Variants in IQGAP2 observed in about 807,000 individuals in gnomAD.
The protein encoded by IQGAP2 is ras GTPase-activating-like protein IQGAP2.
A neutral mutation model predicts 201.3 loss-of-function variants in IQGAP2; 173 were observed. The ratio of observed to expected loss-of-function variants is 0.86; its 90% CI spans 0.76 to 0.98. The LOEUF (loss-of-function observed/expected upper bound fraction) is 0.98, where lower values mean the gene tolerates loss of function less well. Ranked by LOEUF, IQGAP2 falls within the 50% of genes least tolerant of loss-of-function variation. The pLI, the probability that IQGAP2 is intolerant of heterozygous loss-of-function variation, is 0.00. For synonymous variants in IQGAP2, 675 were observed against 673.9 expected, an observed-to-expected ratio of 1.00 and a Z score of -0.03; for missense variants, 1,687 against 1,864.8, an observed-to-expected ratio of 0.90 and a Z score of 1.76.
At chr5:76,623,966 G>A (rs1176509921) in intron 13 of IQGAP2, among the ~76,000 whole-genome samples, 1 of 64,264 alleles carries the variant, frequency 1.6e-5, no homozygotes, top group Admixed American at 1.7e-4. Context: ...TTATCTTGAT[G>A]TGTTTTGAGC....
chr5:76,491,738 C>T lies in IQGAP2; in HGVS notation c.146+30069C>T, dbSNP rs115244903. On this transcript the variant is annotated intron_variant, in intron 2 of 35. Transcript: ENST00000274364. ...GTTCAGTCCTCTTTTTCTCTTCTCT[C>T]ACATACCTACCACCCTCCAGGCAAA... is the stretch of plus-strand genomic sequence containing the variant. Among the ~76,000 whole-genome samples, 1,324 of 152,310 alleles carry T rather than the reference C, an allele frequency of 8.7e-3. 20 individuals carry two copies. The highest frequency in any genetic ancestry group is 0.03 in the African/African-American group (1,265 of 41,574).
intron 21 of IQGAP2, among the ~76,000 whole-genome samples, chr5:76,659,139 T>C (rs1386472437): frequency 1.3e-5 from 2 of 152,238 alleles, no homozygotes; most frequent in Admixed American, 1.3e-4. Flanking sequence ...GTTTTTATTA[T>C]AAATTAGTGG....
chr5:76,626,067 A>G (rs1248295515), intron 13 of IQGAP2, among the ~76,000 whole-genome samples: 1 of 152,174 alleles, frequency 6.6e-6, no homozygotes, highest in African/African-American at 2.4e-5. Context: ...TTTACCTATA[A>G]TAGGAATAAT....
chr5:76,491,385 G>T (rs1756526172), intron 2 of IQGAP2, among the ~76,000 whole-genome samples: 1 of 152,158 alleles, frequency 6.6e-6, no homozygotes, highest in South Asian at 2.1e-4. Context: ...TCTGTGAGTT[G>T]TGCTAAATAG....
chr5:76,563,937 C>T (rs59994162), intron 3 of IQGAP2, among the ~76,000 whole-genome samples: 1,529 of 151,548 alleles, frequency 0.01, 26 homozygotes, highest in African/African-American at 0.035. Context: ...GAATAATCTT[C>T]AAGGTTAACA....
intron 1 of IQGAP2, among the ~76,000 whole-genome samples, chr5:76,453,465 A>G (rs1444589188): frequency 6.6e-6 from 1 of 151,892 alleles, no homozygotes; most frequent in Non-Finnish European, 1.5e-5. Flanking sequence ...CTATTTTTTC[A>G]TTTTTCCTAA....
chr5:76,550,835 T>C lies in IQGAP2; in HGVS notation c.147-11561T>C, dbSNP rs545613664. Among the ~76,000 whole-genome samples the C allele has an allele frequency of 5.2e-5, 8 of 152,388 alleles. No individual in the cohort carries two copies. The South Asian group carries it at 8.3e-4, about 16-fold the overall frequency. On this transcript the variant is annotated intron_variant, in intron 2 of 35. Transcript: ENST00000274364. ...TTTCTATTTGACAAAACCGCCATCG[T>C]CATCATGGCCCGTTCTCAATGAGCT...
At chr5:76,635,976 C>T (rs1176019565) in intron 15 of IQGAP2, among the ~76,000 whole-genome samples, 1 of 152,206 alleles carries the variant, frequency 6.6e-6, no homozygotes, top group Non-Finnish European at 1.5e-5. Context: ...ACAGATGAAC[C>T]AGCTGTCTGG....
chr5:76,663,154 T>TG (rs1743415699), intron 21 of IQGAP2, among the ~76,000 whole-genome samples: 2 of 152,130 alleles, frequency 1.3e-5, no homozygotes, highest in South Asian at 4.1e-4. Context: ...CAACTGGAAA[T>TG]GGGGGCGGGC....
chr5:76,548,747 CTA>C (rs1743252177), intron 2 of IQGAP2, among the ~76,000 whole-genome samples: 1 of 152,204 alleles, frequency 6.6e-6, no homozygotes, highest in Admixed American at 6.5e-5. Context: ...AGTCCATGTG[CTA>C]AGTAAATGTG....
chr5:76,601,084 C>G (rs1747399596), intron 11 of IQGAP2, 112 bp downstream of exon 11: 1 of 983,820 alleles, frequency 1.0e-6, no homozygotes, highest in Admixed American at 2.4e-5. Flanking sequence ...GCTCATGTTT[C>G]TTGAAAACTA....
At chr5:76,677,174 G>A in intron 27 of IQGAP2, 44 bp from the exon 28 acceptor site, 1 of 1,576,588 alleles carries the variant, frequency 6.3e-7, no homozygotes. Flanking sequence ...ACTGTTTAAT[G>A]CACATGTTTG....
At chr5:76,573,237 A>C (rs953379282) in intron 4 of IQGAP2, among the ~76,000 whole-genome samples, 2 of 152,256 alleles carry the variant, frequency 1.3e-5, no homozygotes, top group Non-Finnish European at 2.9e-5. Context: ...GTATGTATTT[A>C]GGGCCAAACA....
chr5:76,600,770 G>A lies in IQGAP2; in HGVS notation c.1072-42G>A, dbSNP rs147563888. 1.1e-3 allele frequency: 1,810 copies of A among 1,607,804 alleles called. 14 individuals are homozygous for A. In the African/African-American group the frequency reaches 0.018, roughly 16 times the overall value. Reference sequence around the variant, plus strand: ...TAAACCTCCATCATGCACATGAGGTGTGTTGTGTGGGGAGCTTATGTTGCC... The same window carrying A: ...TAAACCTCCATCATGCACATGAGGTATGTTGTGTGGGGAGCTTATGTTGCC... On this transcript the variant is annotated intron_variant, in intron 10 of 35. Coordinates refer to ENST00000274364, the MANE Select transcript of IQGAP2 (RefSeq NM_006633.5).
intron 17 of IQGAP2, 65 bp from the exon 18 acceptor site, chr5:76,652,685 T>C (rs1424826319): frequency 1.1e-5 from 13 of 1,141,700 alleles, no homozygotes; most frequent in Admixed American, 3.4e-5. Flanking sequence ...GCTCTGCTCT[T>C]GCACTTCCTA....
Position 76,575,601 on chromosome 5 carries a change from A to G in IQGAP2, c.382-92A>G, listed in dbSNP as rs146869045. Reference sequence around the variant, plus strand: ...CTCTATATTTAAATAATTATAGGATAGCAAGGACAATCAAAATAGGGTCAT... The same window carrying G: ...CTCTATATTTAAATAATTATAGGATGGCAAGGACAATCAAAATAGGGTCAT... On this transcript the variant is annotated intron_variant, in intron 4 of 35. Coordinates refer to ENST00000274364, the MANE Select transcript of IQGAP2 (RefSeq NM_006633.5). The G allele has an allele frequency of 1.8e-4, 118 of 649,050 alleles. No individual in the cohort carries two copies. In the African/African-American group the frequency reaches 1.9e-3, roughly 11 times the overall value. 40.2% of individuals were successfully genotyped at this position (649,050 alleles called of 1,614,324 possible).
At chr5:76,549,021 T>C (rs1743269511) in intron 2 of IQGAP2, among the ~76,000 whole-genome samples, 1 of 151,984 alleles carries the variant, frequency 6.6e-6, no homozygotes, top group African/African-American at 2.4e-5. Flanking sequence ...TCTGTATGGC[T>C]AAACAGTGCT....
At chr5:76,479,553 C>G (rs1218974417) in intron 2 of IQGAP2, among the ~76,000 whole-genome samples, 1 of 152,150 alleles carries the variant, frequency 6.6e-6, no homozygotes, top group African/African-American at 2.4e-5. Context: ...CCATCCCTCT[C>G]ACAATTTTGA....
intron 2 of IQGAP2, among the ~76,000 whole-genome samples, chr5:76,537,923 G>A (rs1277994636): frequency 6.6e-6 from 1 of 152,216 alleles, no homozygotes; most frequent in Non-Finnish European, 1.5e-5. Context: ...GCTTTGCAGA[G>A]CTGTTAGATA....
Sources: gnomAD v4.1 joint callset for allele counts (sites outside exome capture counted in the v4.1 genomes callset) on GRCh38, gnomAD v4.1.1 for gene constraint, MANE v1.5 for transcripts, NCBI Gene and HGNC (gene_info 2026-07-23, HGNC 2026-07-21) for gene names.